SORCS1: variants seen among roughly 807,000 people sequenced by gnomAD.
SORCS1 encodes sortilin related VPS10 domain containing receptor 1.
A neutral mutation model predicts 146.1 loss-of-function variants in SORCS1; 60 were observed. The observed-to-expected ratio is 0.41, with a 90% CI of 0.33 to 0.51. The LOEUF (loss-of-function observed/expected upper bound fraction) is 0.51. Among genes scored for constraint, SORCS1 ranks in the 20% least tolerant of loss-of-function variants. The pLI, the probability that SORCS1 is intolerant of heterozygous loss-of-function variation, is 0.21. For synonymous variants in SORCS1, 637 were observed against 584.0 expected (o/e 1.09, Z -1.31); for missense variants, 1,352 against 1,487.6 (o/e 0.91, Z 1.50).
At chr10:107,159,400 A>C (rs1346392880) in intron 1 of SORCS1, among the ~76,000 whole-genome samples, 4 of 152,222 alleles carry the variant, frequency 2.6e-5, no homozygotes, top group African/African-American at 9.6e-5. Context: ...TTGAGGCTAC[A>C]ACATTTCAAC....
intron 2 of SORCS1, among the ~76,000 whole-genome samples, chr10:106,874,709 G>A (rs1291201930): frequency 6.6e-6 from 1 of 152,194 alleles, no homozygotes; most frequent in Non-Finnish European, 1.5e-5. Flanking sequence ...CAAACTACAA[G>A]TGCAAATGCC....
At chr10:106,820,430 G>A (rs1589469239) in intron 3 of SORCS1, among the ~76,000 whole-genome samples, 1 of 152,306 alleles carries the variant, frequency 6.6e-6, no homozygotes, top group Non-Finnish European at 1.5e-5. Context: ...GGGAAGTGAT[G>A]CTTTGAGGAA....
At chr10:106,987,010 T>G (rs74152293) in intron 1 of SORCS1, among the ~76,000 whole-genome samples, 7,360 of 152,318 alleles carry the variant, frequency 0.048, 589 homozygotes, top group African/African-American at 0.16. Context: ...CCACTTTCTC[T>G]GTATGACTAG....
At chr10:106,766,154 T>C (rs539151483) in intron 4 of SORCS1, among the ~76,000 whole-genome samples, 24 of 152,314 alleles carry the variant, frequency 1.6e-4, no homozygotes, top group Admixed American at 2.0e-4. Context: ...TGCTGTCGGC[T>C]CTTTTCAAGG....
chr10:106,969,904 A>G (rs1015968939), intron 1 of SORCS1: 3 of 152,214 alleles, frequency 2.0e-5, no homozygotes, highest in African/African-American at 7.2e-5. Flanking sequence ...TTAGATGCTC[A>G]TTAAGCCTTT....
At chr10:107,013,993 C>T (rs112719760) in intron 1 of SORCS1, among the ~76,000 whole-genome samples, 4,718 of 152,198 alleles carry the variant, frequency 0.031, 200 homozygotes, top group African/African-American at 0.098. Flanking sequence ...CACAGTGGCT[C>T]ATGCCTGTAA....
At chr10:107,001,117 T>C (rs1174738463) in intron 1 of SORCS1, among the ~76,000 whole-genome samples, 1 of 152,080 alleles carries the variant, frequency 6.6e-6, no homozygotes, top group Non-Finnish European at 1.5e-5. Flanking sequence ...AATCCCAAAA[T>C]GAAGCTCAGC....
intron 1 of SORCS1, among the ~76,000 whole-genome samples, chr10:107,067,296 CTT>C (rs145060045): frequency 0.53 from 76,731 of 146,104 alleles, 20,898 homozygotes; most frequent in African/African-American, 0.68. Context: ...TTCAACTTAA[CTT>C]TTTTTTTTTT....
intron 2 of SORCS1, among the ~76,000 whole-genome samples, chr10:106,861,664 G>A (rs1950020831): frequency 6.6e-6 from 1 of 151,616 alleles, no homozygotes; most frequent in African/African-American, 2.4e-5. Context: ...TGCCAAGGCA[G>A]GTGGATCACG....
chr10:106,624,507 C>A (rs1847968332), intron 19 of SORCS1, among the ~76,000 whole-genome samples: 1 of 151,514 alleles, frequency 6.6e-6, no homozygotes, highest in Admixed American at 6.6e-5. Flanking sequence ...ATTACAGGCG[C>A]CTGCTATCAT....
intron 2 of SORCS1, among the ~76,000 whole-genome samples, chr10:106,876,215 C>T (rs778185298): frequency 1.3e-5 from 2 of 152,010 alleles, no homozygotes; most frequent in East Asian, 1.9e-4. Context: ...ACATTGAGGG[C>T]GCGGTTTTTA....
chr10:106,728,976 C>T (rs532606604), intron 6 of SORCS1, among the ~76,000 whole-genome samples: 227 of 152,248 alleles, frequency 1.5e-3, no homozygotes, highest in African/African-American at 5.0e-3. Flanking sequence ...CAGTTTCCCC[C>T]TTTTCTCATT....
At chr10:106,885,897 A>G (rs1339011977) in intron 2 of SORCS1, among the ~76,000 whole-genome samples, 1 of 152,120 alleles carries the variant, frequency 6.6e-6, no homozygotes, top group Admixed American at 6.6e-5. Flanking sequence ...CTGTCACCAC[A>G]TAAGACGTGC....
intron 1 of SORCS1, among the ~76,000 whole-genome samples, chr10:106,990,693 G>A (rs972126120): frequency 9.9e-5 from 15 of 152,216 alleles, no homozygotes; most frequent in African/African-American, 2.9e-4. Context: ...GGAGATCGGA[G>A]AAAATGTAGA....
At chr10:106,922,948 G>C (rs991346817) in intron 2 of SORCS1, among the ~76,000 whole-genome samples, 1 of 150,406 alleles carries the variant, frequency 6.6e-6, no homozygotes, top group African/African-American at 2.5e-5. Flanking sequence ...GAGTGTGGTG[G>C]CGCAATCTCA....
chr10:106,741,012 C>T (rs989755565), intron 5 of SORCS1, among the ~76,000 whole-genome samples: 9 of 152,154 alleles, frequency 5.9e-5, no homozygotes, highest in Non-Finnish European at 1.2e-4. Context: ...AGACGAAATA[C>T]GTGTAGCTAC....
At chr10:106,785,323 A>T (rs1946005991) in intron 3 of SORCS1, among the ~76,000 whole-genome samples, 2 of 152,202 alleles carry the variant, frequency 1.3e-5, no homozygotes, top group African/African-American at 4.8e-5. Context: ...TGTCTTTCCC[A>T]AAATTCATTT....
chr10:106,832,548 A>G (rs1166579260), intron 2 of SORCS1, among the ~76,000 whole-genome samples: 1 of 151,932 alleles, frequency 6.6e-6, no homozygotes, highest in African/African-American at 2.4e-5. Flanking sequence ...TCCTGAGTCA[A>G]CATTCTCTTT....
At chr10:106,805,003 A>C (rs1407039787) in intron 3 of SORCS1, among the ~76,000 whole-genome samples, 3 of 152,040 alleles carry the variant, frequency 2.0e-5, no homozygotes, top group Non-Finnish European at 4.4e-5. Flanking sequence ...TGAGAAAGTG[A>C]ATTTCAAAAC....
Sources: gnomAD v4.1 joint callset for allele counts (sites outside exome capture counted in the v4.1 genomes callset) on GRCh38, gnomAD v4.1.1 for gene constraint, MANE v1.5 for transcripts, NCBI Gene and HGNC (gene_info 2026-07-23, HGNC 2026-07-21) for gene names.